The following WSCD2 variants were observed in gnomAD, a reference collection of about 807,000 sequenced individuals.
The protein encoded by WSCD2 is WSC domain sialate O sulfotransferase 2.
WSCD2 carries 28 observed loss-of-function variants against 55.7 expected under a neutral mutation model. The observed-to-expected ratio is 0.50, with a 90% CI of 0.37 to 0.69. The LOEUF (loss-of-function observed/expected upper bound fraction) is 0.69. Ranked by LOEUF, WSCD2 falls within the 30% of genes least tolerant of loss-of-function variation. The pLI is 0.00. For synonymous variants in WSCD2, 301 were observed against 301.9 expected, an observed-to-expected ratio of 1.00 and a Z score of 0.03; for missense variants, 616 against 762.1, an observed-to-expected ratio of 0.81 and a Z score of 2.26.
intron 1 of WSCD2, among the ~76,000 whole-genome samples, chr12:108,156,660 C>T (rs1184692818): frequency 6.6e-6 from 1 of 152,182 alleles, no homozygotes; most frequent in Non-Finnish European, 1.5e-5. Flanking sequence ...CCCACAAATA[C>T]AGGTGTACCA....
intron 2 of WSCD2, among the ~76,000 whole-genome samples, chr12:108,203,932 T>C (rs1885014970): frequency 6.6e-6 from 1 of 152,220 alleles, no homozygotes; most frequent in African/African-American, 2.4e-5. Context: ...CTACAAGCTG[T>C]AGGAACTTGG....
intron 1 of WSCD2, among the ~76,000 whole-genome samples, chr12:108,130,845 C>A (rs898304729): frequency 6.6e-6 from 1 of 152,060 alleles, no homozygotes; most frequent in African/African-American, 2.4e-5. Flanking sequence ...CACTCTAGGC[C>A]CCTAGAGGCT....
chr12:108,193,247 T>C (rs757927854), intron 1 of WSCD2, among the ~76,000 whole-genome samples: 1 of 152,262 alleles, frequency 6.6e-6, no homozygotes, highest in Non-Finnish European at 1.5e-5. Flanking sequence ...GATTGCTGTA[T>C]CCTGTACACA....
At position 108,195,990 on chromosome 12, in the gene WSCD2, C is replaced by T. The variant is rs1323259594; in HGVS notation, c.158C>T (p.Ala53Val). The change falls in exon 2 of 9, where the codon GCT becomes GTT. Residue 53 changes from alanine (A) to valine (V), a missense_variant. Ala to Val is a moderately conservative substitution (Grantham distance 64). Transcript: ENST00000547525. Reference protein sequence around the residue: ...PAVSGNQANPAAAGGPAEGAE... With the variant: ...PAVSGNQANPVAAGGPAEGAE... ...GTCTCGGGGAACCAGGCGAACCCCG[C>T]TGCTGCAGGAGGCCCAGCTGAGGGT... is the stretch of plus-strand genomic sequence containing the variant. 6.2e-7 allele frequency: 1 copy of T among 1,614,258 alleles called. No homozygotes were observed. Among genetic ancestry groups the T allele is most frequent in the Non-Finnish European group, 8.5e-7 (1 of 1,180,054 alleles).
chr12:108,174,716 A>T (rs1880604403), intron 1 of WSCD2, among the ~76,000 whole-genome samples: 1 of 152,222 alleles, frequency 6.6e-6, no homozygotes, highest in East Asian at 1.9e-4. Context: ...CTGGGCTCAA[A>T]GGATCCTTCT....
rs779612434 is a variant in WSCD2 at position 108,248,322 on chromosome 12, C to G, written c.1677C>G (p.Pro559=). The change falls in exon 9 of 9, where the codon CCC becomes CCG. Residue 559 remains proline, a synonymous_variant. Coordinates refer to ENST00000547525, the MANE Select transcript of WSCD2 (RefSeq NM_014653.4). The surrounding 1 kb of genome is among the most constrained non-coding windows in gnomAD (Gnocchi z 4.3). ...AAGGGCGGAACCTAACGGGTGTCCCCGATGACTACTACCCAAGATGATGCG... is the reference window on the plus strand; with the variant it reads ...AAGGGCGGAACCTAACGGGTGTCCCGGATGACTACTACCCAAGATGATGCG... ...ALKGRNLTGV[P]DDYYPR 2 of 1,613,244 alleles carry G rather than the reference C, an allele frequency of 1.2e-6. No homozygotes were observed. The highest frequency in any genetic ancestry group is 1.3e-5 in the African/African-American group (1 of 74,912).
At chr12:108,228,459 T>C (rs190028131) in intron 6 of WSCD2, among the ~76,000 whole-genome samples, 143 of 152,326 alleles carry the variant, frequency 9.4e-4, no homozygotes, top group African/African-American at 3.2e-3. Context: ...CCAAAGCCCC[T>C]GCTAGAAACC....
Position 108,168,684 on chromosome 12 carries a change from G to T in WSCD2, c.-551-26598G>T, listed in dbSNP as rs138744091. On this transcript the variant is annotated intron_variant, in intron 1 of 8. Transcript: ENST00000547525. ...TAATTTATGTAAGCATTTAACATAG[G>T]GCTGGGCTCAGCAAATGCTAGCTTG... Among the ~76,000 whole-genome samples, 1,230 of 152,268 alleles carry T rather than the reference G, an allele frequency of 8.1e-3. 9 individuals carry two copies. Among genetic ancestry groups the T allele is most frequent in the Middle Eastern group, 0.037 (11 of 294 alleles).
At chr12:108,206,475 T>A in intron 3 of WSCD2, 72 bp downstream of exon 3, 1 of 1,448,986 alleles carries the variant, frequency 6.9e-7, no homozygotes, top group Non-Finnish European at 9.6e-7. Flanking sequence ...TGGTATTCTT[T>A]GCCCTGCTAT....
rs1875230836 is a variant in WSCD2 at position 108,129,293 on chromosome 12, G to T, written c.-1185G>T. ...TGCGAGGAGCGCGCCGGGCTGAGGC[G>T]CGCTGCTGGTGGCGGCGGCGGCAGC... is the stretch of plus-strand genomic sequence containing the variant. On this transcript the variant is annotated 5_prime_UTR_variant, in exon 1 of 9. Transcript: ENST00000547525. Among the ~76,000 whole-genome samples, 1 of 152,172 alleles carries T rather than the reference G, an allele frequency of 6.6e-6. No individual in the cohort carries two copies. The highest frequency in any genetic ancestry group is 2.1e-4 in the South Asian group (1 of 4,834).
intron 1 of WSCD2, among the ~76,000 whole-genome samples, chr12:108,159,339 T>C (rs1878838653): frequency 6.6e-6 from 1 of 152,182 alleles, no homozygotes. Context: ...TAAGCCTCTT[T>C]TGTTATAGTG....
intron 4 of WSCD2, among the ~76,000 whole-genome samples, chr12:108,215,037 C>G (rs377182134): frequency 2.0e-5 from 3 of 152,224 alleles, no homozygotes; most frequent in African/African-American, 7.2e-5. Flanking sequence ...ATGTCTAGTT[C>G]CTTCTTTGCT....
At chr12:108,226,718 G>A (rs1034288002) in intron 5 of WSCD2, among the ~76,000 whole-genome samples, 3 of 152,202 alleles carry the variant, frequency 2.0e-5, no homozygotes, top group African/African-American at 4.8e-5. Flanking sequence ...AGTACTATTA[G>A]TGGTAGCCAT....
At chr12:108,211,504 C>T (rs564588967) in intron 4 of WSCD2, among the ~76,000 whole-genome samples, 6 of 152,084 alleles carry the variant, frequency 3.9e-5, no homozygotes, top group Non-Finnish European at 7.4e-5. Context: ...CCTGCCCACC[C>T]GGGTGGCTTT....
At chr12:108,180,306 G>A (rs1565939346) in intron 1 of WSCD2, among the ~76,000 whole-genome samples, 3 of 152,116 alleles carry the variant, frequency 2.0e-5, no homozygotes, top group South Asian at 2.1e-4. Flanking sequence ...AAAACATGCC[G>A]CCCCCCGCAG....
chr12:108,167,544 G>C (rs1879793345), intron 1 of WSCD2: 1 of 152,126 alleles, frequency 6.6e-6, no homozygotes, highest in African/African-American at 2.4e-5. Context: ...AATTTATTTT[G>C]GCTCCCAGAC....
chr12:108,148,371 G>T (rs1473431152), intron 1 of WSCD2, among the ~76,000 whole-genome samples: 2 of 152,230 alleles, frequency 1.3e-5, no homozygotes, highest in Admixed American at 1.3e-4. Context: ...CTAGAAAGGG[G>T]CCTGGCTTTT....
chr12:108,182,941 A>T (rs1881986086), intron 1 of WSCD2, among the ~76,000 whole-genome samples: 1 of 152,064 alleles, frequency 6.6e-6, no homozygotes, highest in Admixed American at 6.6e-5. Flanking sequence ...CTTATGATGG[A>T]GAGCTAGGAT....
chr12:108,222,349 A>G (rs1887623017), intron 4 of WSCD2, among the ~76,000 whole-genome samples: 1 of 152,020 alleles, frequency 6.6e-6, no homozygotes, highest in Non-Finnish European at 1.5e-5. Flanking sequence ...TTGTCTTGCA[A>G]CCTCTTCTCT....
Sources: allele counts gnomAD v4.1 joint callset (sites outside exome capture counted in the v4.1 genomes callset), GRCh38; gene constraint gnomAD v4.1.1; non-coding constraint Gnocchi (gnomAD v3.1); transcripts MANE v1.5; gene names NCBI Gene and HGNC (gene_info 2026-07-23, HGNC 2026-07-21).